The following SDHC variants were observed in gnomAD, a reference collection of about 807,000 sequenced individuals.
SDHC encodes the protein succinate dehydrogenase cytochrome b560 subunit, mitochondrial.
A neutral mutation model predicts 22.6 loss-of-function variants in SDHC; 11 were observed. The observed-to-expected ratio is 0.49, with a 90% CI of 0.31 to 0.81. The LOEUF is 0.81. SDHC is among the 30% of genes least tolerant of loss of function. SDHC has a pLI of 0.05. For synonymous variants in SDHC, 80 were observed against 77.8 expected (o/e 1.03, Z -0.15); for missense variants, 160 against 212.0 (o/e 0.75, Z 1.52).
chr1:161,326,627 T>A (rs549844824), intron 2 of SDHC: 1 of 148,170 alleles, frequency 6.7e-6, no homozygotes, highest in Admixed American at 6.7e-5. Flanking sequence ...TTTAATTTTT[T>A]TTTTTTCTTT....
intron 1 of SDHC, among the ~76,000 whole-genome samples, chr1:161,315,429 A>G (rs1308261677): frequency 2.0e-5 from 3 of 152,244 alleles, no homozygotes; most frequent in Non-Finnish European, 4.4e-5. Context: ...TCATCTCCAT[A>G]TGTATCTTCT....
chr1:161,332,144 G>GT (rs1467863577), intron 3 of SDHC, among the ~76,000 whole-genome samples: 1 of 151,880 alleles, frequency 6.6e-6, no homozygotes, highest in Admixed American at 6.6e-5. Flanking sequence ...CACCTGGCTA[G>GT]TTTTTAATTT....
At chr1:161,322,819 C>T (rs1423080814) in intron 1 of SDHC, among the ~76,000 whole-genome samples, 1 of 152,190 alleles carries the variant, frequency 6.6e-6, no homozygotes, top group East Asian at 1.9e-4. Context: ...GCCTCAGCCT[C>T]CCAAAGTGTT....
chr1:161,358,034 T>G (rs1212629899), intron 5 of SDHC, among the ~76,000 whole-genome samples: 5 of 68,764 alleles, frequency 7.3e-5, no homozygotes, highest in Admixed American at 6.4e-4. Flanking sequence ...TTAGGAATCT[T>G]TTTTTTTTTT....
intron 4 of SDHC, among the ~76,000 whole-genome samples, chr1:161,355,827 T>C (rs2102367787): frequency 6.6e-6 from 1 of 151,732 alleles, no homozygotes; most frequent in Admixed American, 6.6e-5. Context: ...CTACTAAAAA[T>C]GCAAAAATTA....
At chr1:161,356,618 G>A (rs539793753) in intron 4 of SDHC, 59 bp from the exon 5 acceptor site, 30 of 1,551,514 alleles carry the variant, frequency 1.9e-5, no homozygotes, top group Non-Finnish European at 2.7e-5. Context: ...CCAGTTTTAT[G>A]TATCATATTA....
chr1:161,363,139 C>T lies in SDHC; in HGVS notation c.*706C>T, dbSNP rs1418350767. 1 of 234,428 alleles carries T rather than the reference C, an allele frequency of 4.3e-6. No individual in the cohort carries two copies. Among genetic ancestry groups the T allele is most frequent in the South Asian group, 1.8e-4 (1 of 5,620 alleles). 14.5% of individuals were successfully genotyped at this position (234,428 alleles called of 1,614,324 possible). A position where few individuals can be genotyped will look rare whatever the true frequency, so the allele number is the denominator to read the frequency against. ...GCCTCTTAATTTTATGCTTTCTCAT[C>T]GAAGTAATGTACCCTTTTTTTCTGA... On this transcript the variant is annotated 3_prime_UTR_variant, in exon 6 of 6. Coordinates refer to ENST00000367975, the MANE Select transcript of SDHC (RefSeq NM_003001.5).
At chr1:161,328,607 G>A in intron 3 of SDHC, 110 bp downstream of exon 3, 2 of 768,192 alleles carry the variant, frequency 2.6e-6, no homozygotes, top group South Asian at 2.8e-5. Flanking sequence ...CCAAAATACT[G>A]CTATGTAGAT....
chr1:161,347,595 C>T (rs1374683714), intron 4 of SDHC, among the ~76,000 whole-genome samples: 4 of 148,912 alleles, frequency 2.7e-5, no homozygotes, highest in Admixed American at 6.7e-5. Flanking sequence ...GGGCCAGGCG[C>T]GGTGGCTCAC....
In SDHC at chr1:161,323,701, TA is replaced by T. The variant is rs376602547; in HGVS notation, c.77+32del. ...TTTCTAAGTCTGGAGATTATTTATT[TA>T]TTTTTTTTTTTGAGACGGAGTCTCG... On this transcript the variant is annotated intron_variant, in intron 2 of 5. Transcript: ENST00000367975. The T allele has an allele frequency of 3.6e-3, 5,485 of 1,516,832 alleles. 15 individuals carry two copies. Among genetic ancestry groups the T allele is most frequent in the East Asian group, 0.017 (687 of 39,920 alleles). The allele number at this position is 1,516,832 out of a possible 1,614,324, so 94.0% of individuals were successfully genotyped here.
At chr1:161,316,842 C>G (rs1670635377) in intron 1 of SDHC, among the ~76,000 whole-genome samples, 1 of 152,040 alleles carries the variant, frequency 6.6e-6, no homozygotes, top group South Asian at 2.1e-4. Flanking sequence ...TCTGAGAAAT[C>G]CTAGGAGCTG....
intron 3 of SDHC, 61 bp downstream of exon 3, chr1:161,328,558 A>G: frequency 8.4e-7 from 1 of 1,185,496 alleles, no homozygotes; most frequent in East Asian, 2.3e-5. Flanking sequence ...CTGAAGGTTG[A>G]TCTTTAGCCT....
intron 4 of SDHC, among the ~76,000 whole-genome samples, chr1:161,355,275 C>T (rs929109663): frequency 1.3e-5 from 2 of 152,094 alleles, no homozygotes; most frequent in Non-Finnish European, 2.9e-5. Context: ...ATTTATTTAT[C>T]GTCCTTGGAA....
intron 3 of SDHC, among the ~76,000 whole-genome samples, chr1:161,333,359 T>A (rs1044979279): frequency 6.6e-6 from 1 of 152,092 alleles, no homozygotes; most frequent in Non-Finnish European, 1.5e-5. Context: ...GGTATATACC[T>A]AGGAGTAGAA....
chr1:161,330,430 C>T (rs1014142297), intron 3 of SDHC, among the ~76,000 whole-genome samples: 3 of 152,204 alleles, frequency 2.0e-5, no homozygotes, highest in Non-Finnish European at 2.9e-5. Context: ...AAAGGAGTCT[C>T]TGGTTCTAAC....
At position 161,362,315 on chromosome 1, in the gene SDHC, T is replaced by G. The variant is rs1558185811; in HGVS notation, c.406-14T>G. 2.5e-6 allele frequency: 4 copies of G among 1,604,044 alleles called. No homozygotes were observed. The highest frequency in any genetic ancestry group is 2.6e-6 in the Non-Finnish European group (3 of 1,175,006). Reference sequence around the variant, plus strand: ...TACTGAAATTCCTTTTTTTTTTTTTTGCTTTGTCCACAGATGTGGGACCTA... The same window carrying G: ...TACTGAAATTCCTTTTTTTTTTTTTGGCTTTGTCCACAGATGTGGGACCTA... On this transcript the variant is annotated splice_polypyrimidine_tract_variant and intron_variant, in intron 5 of 5. Coordinates refer to ENST00000367975, the MANE Select transcript of SDHC (RefSeq NM_003001.5).
At chr1:161,360,514 C>T (rs1406617886) in intron 5 of SDHC, among the ~76,000 whole-genome samples, 1 of 150,042 alleles carries the variant, frequency 6.7e-6, no homozygotes, top group Non-Finnish European at 1.5e-5. Context: ...TGAGATTGTG[C>T]CACTGCACTC....
At chr1:161,342,162 G>C (rs1001625697) in intron 4 of SDHC, among the ~76,000 whole-genome samples, 8 of 152,136 alleles carry the variant, frequency 5.3e-5, no homozygotes, top group African/African-American at 1.9e-4. Flanking sequence ...CAGTTCAGTG[G>C]GAGCCAGAAG....
intron 2 of SDHC, among the ~76,000 whole-genome samples, chr1:161,323,974 G>A (rs1247924584): frequency 6.6e-6 from 1 of 152,176 alleles, no homozygotes; most frequent in African/African-American, 2.4e-5. Context: ...GGGATTACAG[G>A]CTTGAGCCAC....
Sources: allele counts gnomAD v4.1 joint callset (sites outside exome capture counted in the v4.1 genomes callset), GRCh38; gene constraint gnomAD v4.1.1; transcripts MANE v1.5; gene names NCBI Gene and HGNC (gene_info 2026-07-23, HGNC 2026-07-21).